Variants in NOL4 observed in about 807,000 individuals in gnomAD.
The protein encoded by NOL4 is cancer/testis antigen 125.
In NOL4, 17 loss-of-function variants were observed where a neutral mutation model predicts 75.9. The ratio of observed to expected loss-of-function variants is 0.22; its 90% confidence interval spans 0.15 to 0.34. The LOEUF (loss-of-function observed/expected upper bound fraction) is 0.34, where lower values mean the gene tolerates loss of function less well. NOL4 is among the 10% of genes least tolerant of loss of function. NOL4 has a pLI of 1.00. For synonymous variants in NOL4, 292 were observed against 289.9 expected, an observed-to-expected ratio of 1.01 and a Z score of -0.07; for missense variants, 614 against 793.5, an observed-to-expected ratio of 0.77 and a Z score of 2.72.
intron 5 of NOL4, among the ~76,000 whole-genome samples, chr18:34,083,969 T>C (rs918843815): frequency 1.3e-5 from 2 of 152,072 alleles, no homozygotes; most frequent in Admixed American, 1.3e-4. Context: ...TCTATTCACC[T>C]GGGTCCCTCT....
At chr18:34,133,504 T>G (rs28600271) in intron 1 of NOL4, among the ~76,000 whole-genome samples, 2,326 of 152,008 alleles carry the variant, frequency 0.015, 60 homozygotes, top group African/African-American at 0.054. Context: ...TATATTAATG[T>G]TAAAGACAGT....
intron 9 of NOL4, among the ~76,000 whole-genome samples, chr18:33,919,317 C>T (rs780058604): frequency 1.3e-5 from 2 of 152,096 alleles, no homozygotes; most frequent in Non-Finnish European, 2.9e-5. Context: ...ATGCCCTTTC[C>T]TCCTTGTGAG....
chr18:33,854,155 A>G (rs190166988), intron 10 of NOL4, among the ~76,000 whole-genome samples: 2 of 152,272 alleles, frequency 1.3e-5, no homozygotes, highest in Admixed American at 1.3e-4. Flanking sequence ...TTTTCAGATA[A>G]TGGTATTCGT....
At chr18:34,181,403 A>G (rs985818163) in intron 1 of NOL4, among the ~76,000 whole-genome samples, 4 of 151,572 alleles carry the variant, frequency 2.6e-5, no homozygotes, top group African/African-American at 9.7e-5. Context: ...ATGTCATATC[A>G]TATCCAAAAA....
At chr18:34,014,111 C>T (rs79340022) in intron 6 of NOL4, among the ~76,000 whole-genome samples, 3,846 of 151,862 alleles carry the variant, frequency 0.025, 78 homozygotes, top group South Asian at 0.1. Flanking sequence ...ACTTGTGCTG[C>T]TTCCATTAAT....
At chr18:33,891,434 G>A (rs1413327713) in intron 9 of NOL4, among the ~76,000 whole-genome samples, 1 of 152,080 alleles carries the variant, frequency 6.6e-6, no homozygotes, top group East Asian at 1.9e-4. Context: ...TATTCTTTCT[G>A]CAAATACTTG....
chr18:34,089,407 C>T (rs910643330), intron 5 of NOL4, among the ~76,000 whole-genome samples: 6 of 152,160 alleles, frequency 3.9e-5, no homozygotes, highest in Admixed American at 3.9e-4. Flanking sequence ...CAACCAATGG[C>T]TGCAGAGAAC....
chr18:34,092,731 A>G (rs1367363853), intron 5 of NOL4, among the ~76,000 whole-genome samples: 1 of 152,196 alleles, frequency 6.6e-6, no homozygotes, highest in African/African-American at 2.4e-5. Context: ...TTTGTCAGCA[A>G]TTACCAAAAT....
intron 1 of NOL4, among the ~76,000 whole-genome samples, chr18:34,175,129 A>G (rs1392141403): frequency 6.6e-6 from 1 of 152,192 alleles, no homozygotes; most frequent in African/African-American, 2.4e-5. Context: ...ACTATTCACA[A>G]TGGCCCACAT....
intron 5 of NOL4, among the ~76,000 whole-genome samples, chr18:34,036,373 C>A (rs1198292875): frequency 7.1e-6 from 1 of 141,794 alleles, no homozygotes; most frequent in Admixed American, 7.1e-5. Flanking sequence ...AGGGAAAAAA[C>A]AACAGATGCC....
At chr18:33,960,933 T>G (rs1263338017) in intron 6 of NOL4, among the ~76,000 whole-genome samples, 1 of 152,110 alleles carries the variant, frequency 6.6e-6, no homozygotes, top group Non-Finnish European at 1.5e-5. Context: ...ATTTAACATC[T>G]AACTATGAAT....
chr18:34,196,868 C>T (rs2035366404), intron 1 of NOL4, among the ~76,000 whole-genome samples: 1 of 152,024 alleles, frequency 6.6e-6, no homozygotes, highest in African/African-American at 2.4e-5. Context: ...TCCTTATATA[C>T]TTCTGATAAC....
At chr18:34,135,411 A>G (rs1049296050) in intron 1 of NOL4, among the ~76,000 whole-genome samples, 3 of 152,124 alleles carry the variant, frequency 2.0e-5, no homozygotes, top group Non-Finnish European at 4.4e-5. Context: ...TAAAAAAGCT[A>G]TTCACAGCGG....
chr18:33,957,501 A>G lies in NOL4; in HGVS notation c.1253T>C (p.Phe418Ser). The G allele has an allele frequency of 6.2e-7, 1 of 1,613,112 alleles. No individual in the cohort carries two copies. The highest frequency in any genetic ancestry group is 8.5e-7 in the Non-Finnish European group (1 of 1,179,514). The change falls in exon 8 of 11, where the codon TTT becomes TCT. Residue 418 changes from phenylalanine (F) to serine (S), a missense_variant. Physicochemically the swap from Phe to Ser is radical, Grantham distance 155. Transcript: ENST00000261592. The stretch of plus-strand genomic sequence containing the variant: ...CATTCGGTCCAAGTTTTCATCTACA[A>G]ACAGCCTGACAAACATCTGTTGGCA... ...LKAFNMFVRL[F>S]VDENLDRMVP...
intron 5 of NOL4, among the ~76,000 whole-genome samples, chr18:34,029,751 T>C (rs372703705): frequency 3.9e-5 from 6 of 152,250 alleles, no homozygotes; most frequent in Non-Finnish European, 8.8e-5. Flanking sequence ...AGTTTTCTGA[T>C]AAAATGTTTA....
intron 9 of NOL4, among the ~76,000 whole-genome samples, chr18:33,942,454 C>CA (rs979980602): frequency 8.6e-5 from 13 of 150,440 alleles, no homozygotes; most frequent in East Asian, 3.9e-4. Flanking sequence ...GAGCAAAGTA[C>CA]AAAAAAAAGA....
chr18:34,158,430 A>T (rs2030840753), intron 1 of NOL4, among the ~76,000 whole-genome samples: 1 of 152,178 alleles, frequency 6.6e-6, no homozygotes, highest in African/African-American at 2.4e-5. Context: ...CGAGTTCAAA[A>T]ACAGAGCCAT....
chr18:33,966,874 G>T (rs1003014709), intron 6 of NOL4, among the ~76,000 whole-genome samples: 1 of 152,128 alleles, frequency 6.6e-6, no homozygotes, highest in Admixed American at 6.6e-5. Flanking sequence ...TGGATTGGAA[G>T]AATCAATCTC....
intron 10 of NOL4, among the ~76,000 whole-genome samples, chr18:33,875,911 G>A (rs1015406037): frequency 6.6e-6 from 1 of 152,008 alleles, no homozygotes; most frequent in Non-Finnish European, 1.5e-5. Context: ...AATAAGATAG[G>A]TATTAGAATA....
Sources: gnomAD v4.1 joint callset for allele counts (sites outside exome capture counted in the v4.1 genomes callset) on GRCh38, gnomAD v4.1.1 for gene constraint, MANE v1.5 for transcripts, NCBI Gene and HGNC (gene_info 2026-07-23, HGNC 2026-07-21) for gene names.